RETREG1: variants seen among roughly 807,000 people sequenced by gnomAD.
RETREG1 encodes reticulophagy regulator 1.
In RETREG1, 44 loss-of-function variants were observed where a neutral mutation model predicts 54.8. That is an observed-to-expected ratio of 0.80 (90% CI 0.63 to 1.03). RETREG1 has a LOEUF of 1.03. Among genes scored for constraint, RETREG1 ranks in the 50% least tolerant of loss-of-function variants. RETREG1 has a pLI of 0.00. For missense variants in RETREG1, 554 were observed against 605.1 expected, an observed-to-expected ratio of 0.92 and a Z score of 0.89; for synonymous variants, 217 against 238.5, an observed-to-expected ratio of 0.91 and a Z score of 0.83.
chr5:16,550,186 C>T (rs1741493555), intron 3 of RETREG1, among the ~76,000 whole-genome samples: 2 of 152,024 alleles, frequency 1.3e-5, no homozygotes. Context: ...GAGGATACTA[C>T]ACCATGTATC....
At chr5:16,563,327 C>T (rs912498270) in intron 3 of RETREG1, among the ~76,000 whole-genome samples, 12 of 152,054 alleles carry the variant, frequency 7.9e-5, no homozygotes, top group Admixed American at 6.6e-4. Context: ...GCGTGATCTC[C>T]GCTCACTGCA....
chr5:16,520,324 T>TG (rs1229092672), intron 3 of RETREG1, among the ~76,000 whole-genome samples: 2 of 139,094 alleles, frequency 1.4e-5, no homozygotes, highest in African/African-American at 2.8e-5. Flanking sequence ...GTGGTTTTTT[T>TG]TTTGTTGTTG....
chr5:16,567,801 A>G (rs1165175943), intron 2 of RETREG1, among the ~76,000 whole-genome samples: 1 of 152,074 alleles, frequency 6.6e-6, no homozygotes, highest in Non-Finnish European at 1.5e-5. Flanking sequence ...TACAAAAATT[A>G]AAAAAGAAAA....
intron 3 of RETREG1, among the ~76,000 whole-genome samples, chr5:16,555,487 A>C (rs548506390): frequency 6.6e-6 from 1 of 152,328 alleles, no homozygotes. Flanking sequence ...AAATGCTGAG[A>C]AGATGGTCTG....
chr5:16,485,311 C>T (rs1248722572), intron 3 of RETREG1, among the ~76,000 whole-genome samples: 1 of 151,980 alleles, frequency 6.6e-6, no homozygotes, highest in Non-Finnish European at 1.5e-5. Flanking sequence ...ATAATTCTAA[C>T]AAAAATCAAT....
chr5:16,532,259 GCT>G (rs1740938110), intron 3 of RETREG1, among the ~76,000 whole-genome samples: 1 of 152,182 alleles, frequency 6.6e-6, no homozygotes, highest in Non-Finnish European at 1.5e-5. Context: ...GGGCGTGGTG[GCT>G]CATGCCTGTA....
intron 3 of RETREG1, among the ~76,000 whole-genome samples, chr5:16,554,321 T>C (rs1373551232): frequency 6.6e-6 from 1 of 152,184 alleles, no homozygotes; most frequent in African/African-American, 2.4e-5. Flanking sequence ...TGGATTCCTA[T>C]GACTGGGCCG....
At chr5:16,554,890 C>T (rs1400216899) in intron 3 of RETREG1, among the ~76,000 whole-genome samples, 1 of 152,204 alleles carries the variant, frequency 6.6e-6, no homozygotes, top group Non-Finnish European at 1.5e-5. Context: ...TTTGCACTCC[C>T]TGTTCCTGCC....
At chr5:16,601,195 C>G (rs1414626015) in intron 1 of RETREG1, among the ~76,000 whole-genome samples, 1 of 151,950 alleles carries the variant, frequency 6.6e-6, no homozygotes, top group Non-Finnish European at 1.5e-5. Flanking sequence ...AGCAAGATCC[C>G]ATCTTAACAA....
intron 3 of RETREG1, among the ~76,000 whole-genome samples, chr5:16,535,783 CG>C (rs1741051159): frequency 8.2e-5 from 10 of 121,406 alleles, no homozygotes; most frequent in African/African-American, 3.4e-4. Context: ...GCTGCCTTCA[CG>C]AAGTGGGAGC....
At chr5:16,524,731 C>T (rs1740645220) in intron 3 of RETREG1, among the ~76,000 whole-genome samples, 1 of 152,206 alleles carries the variant, frequency 6.6e-6, no homozygotes, top group East Asian at 1.9e-4. Context: ...TGTGTCCTTC[C>T]CAAGCAGTTA....
intron 3 of RETREG1, among the ~76,000 whole-genome samples, chr5:16,522,634 T>A (rs1408573689): frequency 6.6e-6 from 1 of 152,200 alleles, no homozygotes; most frequent in East Asian, 1.9e-4. Context: ...TAATTCCTCA[T>A]GAGGGGTTTC....
At chr5:16,487,723 T>C (rs1033656470) in intron 3 of RETREG1, among the ~76,000 whole-genome samples, 1 of 152,204 alleles carries the variant, frequency 6.6e-6, no homozygotes, top group African/African-American at 2.4e-5. Flanking sequence ...GGCAAAGTCC[T>C]TTTTCAGCAG....
chr5:16,499,433 C>A (rs989390316), intron 3 of RETREG1, among the ~76,000 whole-genome samples: 3 of 152,276 alleles, frequency 2.0e-5, no homozygotes, highest in African/African-American at 7.2e-5. Flanking sequence ...TTCTAAGAAA[C>A]ATAAACACAT....
chr5:16,530,689 G>A (rs1239687331), intron 3 of RETREG1, among the ~76,000 whole-genome samples: 2 of 152,200 alleles, frequency 1.3e-5, no homozygotes, highest in Admixed American at 6.5e-5. Flanking sequence ...CCTCGCCAAC[G>A]TGGCAAAACC....
rs200951949 is a variant in RETREG1 at position 16,474,669 on chromosome 5, C to CTTTTTTTT, written c.*64_*71dup. ...CTTACAGTTCAATTTTTTTCTTTTC[C>CTTTTTTTT]TTTTTTTTTTTTTTTTCTTGTTTGA... On this transcript the variant is annotated 3_prime_UTR_variant, in exon 9 of 9. Coordinates refer to ENST00000306320, the MANE Select transcript of RETREG1 (RefSeq NM_001034850.3). 18 of 1,265,250 alleles carry CTTTTTTTT rather than the reference C, an allele frequency of 1.4e-5. No individual in the cohort carries two copies. The highest frequency in any genetic ancestry group is 1.0e-4 in the East Asian group (4 of 38,796). The allele number at this position is 1,265,250 out of a possible 1,614,324, so 78.4% of individuals were successfully genotyped here. A position where few individuals can be genotyped will look rare whatever the true frequency, so the allele number is the denominator to read the frequency against.
intron 3 of RETREG1, among the ~76,000 whole-genome samples, chr5:16,539,608 G>T (rs1007351845): frequency 6.6e-6 from 1 of 152,142 alleles, no homozygotes; most frequent in Admixed American, 6.5e-5. Context: ...TCCCATGCTT[G>T]CTCCTGCAAC....
At chr5:16,495,818 G>A (rs1031211707) in intron 3 of RETREG1, among the ~76,000 whole-genome samples, 1 of 150,616 alleles carries the variant, frequency 6.6e-6, no homozygotes, top group African/African-American at 2.4e-5. Context: ...AAAAATAGAT[G>A]AGTATGAATA....
At chr5:16,513,652 GAAGA>G (rs1312863182) in intron 3 of RETREG1, among the ~76,000 whole-genome samples, 1 of 152,358 alleles carries the variant, frequency 6.6e-6, no homozygotes, top group East Asian at 1.9e-4. Context: ...CTCTCAGACA[GAAGA>G]AAGAATATCT....
Sources: allele counts gnomAD v4.1 joint callset (sites outside exome capture counted in the v4.1 genomes callset), GRCh38; gene constraint gnomAD v4.1.1; transcripts MANE v1.5; gene names NCBI Gene and HGNC (gene_info 2026-07-23, HGNC 2026-07-21).